CRIP2: variants seen among roughly 807,000 people sequenced by gnomAD.
CRIP2 encodes cysteine rich protein 2, also known as cysteine-rich protein 2.
A neutral mutation model predicts 31.3 loss-of-function variants in CRIP2; 31 were observed. The ratio of observed to expected loss-of-function variants is 0.99; its 90% CI spans 0.74 to 1.34. The LOEUF (loss-of-function observed/expected upper bound fraction) is 1.34. Ranked by LOEUF, CRIP2 falls within the 40% of genes most tolerant of loss-of-function variation. CRIP2 has a pLI of 0.00. For synonymous variants in CRIP2, 177 were observed against 127.2 expected, an observed-to-expected ratio of 1.39 and a Z score of -2.63; for missense variants, 389 against 301.6, an observed-to-expected ratio of 1.29 and a Z score of -2.15.
rs1390817775 is a variant in CRIP2 at position 105,478,357 on chromosome 14, C to T, written c.135C>T (p.Ala45=). The change falls in exon 2 of 8, where the codon GCC becomes GCT. Residue 45 remains alanine, a synonymous_variant. Coordinates refer to ENST00000329146, the MANE Select transcript of CRIP2 (RefSeq NM_001312.4). The surrounding 1 kb of genome is among the most constrained non-coding windows in gnomAD (Gnocchi z 4.9). ...AGACGCTGACGCCCGGGGGCCACGC[C>T]GAGGTGAGCCCCACTGCGCGGCGCG... ...CSKTLTPGGH[A]EHDGKPFCHK... The T allele has an allele frequency of 3.8e-6, 6 of 1,565,548 alleles. No homozygotes were observed. Among genetic ancestry groups the T allele is most frequent in the Non-Finnish European group, 3.5e-6 (4 of 1,158,732 alleles).
chr14:105,476,132 T>C, intron 1 of CRIP2: 1 of 985,448 alleles, frequency 1.0e-6, no homozygotes. Flanking sequence ...GGGCTGTCTC[T>C]GTAAGGCTTA....
intron 7 of CRIP2, 37 bp downstream of exon 7, chr14:105,479,530 G>C: frequency 6.2e-7 from 1 of 1,612,642 alleles, no homozygotes; most frequent in African/African-American, 1.3e-5. Flanking sequence ...TGTCTTCCCT[G>C]CCCTCCCCTT....
intron 1 of CRIP2, chr14:105,477,124 C>G (rs587595461): frequency 1.1e-4 from 39 of 339,794 alleles, no homozygotes; most frequent in Admixed American, 1.0e-3. Flanking sequence ...CTCCCTCCCC[C>G]CAGGGCCTGC....
In CRIP2 at chr14:105,479,667, T is replaced by C. The variant is rs2084048640; in HGVS notation, c.*14T>C. ...GTCCAGCCCTAGGCTACAGCGGCTC[T>C]CATGATGTGGGCTCACCTGCGCCCC... On this transcript the variant is annotated 3_prime_UTR_variant, in exon 8 of 8. Coordinates refer to ENST00000329146, the MANE Select transcript of CRIP2 (RefSeq NM_001312.4). 3 of 1,609,482 alleles carry C rather than the reference T, an allele frequency of 1.9e-6. No homozygotes were observed. Among genetic ancestry groups the C allele is most frequent in the Non-Finnish European group, 1.7e-6 (2 of 1,178,676 alleles).
rs587691365 is a variant in CRIP2, at chr14:105,479,706, G to C, written c.*53G>C. 3.2e-5 allele frequency: 50 copies of C among 1,567,780 alleles called. No homozygotes were observed. In the South Asian group the frequency reaches 4.7e-4, roughly 15 times the overall value. Reference sequence around the variant, plus strand: ...CACCTGCGCCCCAGACCCTGCAGGGGCCCCCCTGCTTGGCTCTGCTGGGAG... The same window carrying C: ...CACCTGCGCCCCAGACCCTGCAGGGCCCCCCCTGCTTGGCTCTGCTGGGAG... On this transcript the variant is annotated 3_prime_UTR_variant, in exon 8 of 8. Transcript: ENST00000329146.
Position 105,474,897 on chromosome 14 carries a change from T to C in CRIP2, c.35T>C (p.Val12Ala), listed in dbSNP as rs2083899037. The change falls in exon 1 of 8, where the codon GTG becomes GCG. Residue 12 changes from valine to alanine, a missense_variant. Coordinates refer to ENST00000329146, the MANE Select transcript of CRIP2 (RefSeq NM_001312.4). The surrounding 1 kb of genome is among the most constrained non-coding windows in gnomAD (Gnocchi z 5.1). ...AAATGCCCCAAGTGCGACAAGACCG[T>C]GTACTTCGGTGAGTGCGTGCCCGCT... ...ASKCPKCDKT[V>A]YFAEKVSSLG... 1.3e-6 allele frequency: 2 copies of C among 1,520,174 alleles called. No homozygotes were observed. Among genetic ancestry groups the C allele is most frequent in the Non-Finnish European group, 1.8e-6 (2 of 1,134,524 alleles). The allele number at this position is 1,520,174 out of a possible 1,614,324, so 94.2% of individuals were successfully genotyped here. A position where few individuals can be genotyped will look rare whatever the true frequency, so the allele number is the denominator to read the frequency against.
intron 6 of CRIP2, 26 bp from the exon 7 acceptor site, chr14:105,479,406 TCCTC>T (rs782789100): frequency 1.2e-6 from 2 of 1,612,010 alleles, no homozygotes; most frequent in African/African-American, 2.7e-5. Flanking sequence ...GTCTGTGGAC[TCCTC>T]CCTCAGCACC....
chr14:105,479,745 C>A lies in CRIP2; in HGVS notation c.*92C>A, dbSNP rs1251924412. On this transcript the variant is annotated 3_prime_UTR_variant, in exon 8 of 8. Coordinates refer to ENST00000329146, the MANE Select transcript of CRIP2 (RefSeq NM_001312.4). ...CTCTGCTGGGAGAGTGCTCAGCCGC[C>A]CAGTCCTGCCTGCAAGCCCAGGGCG... 14 of 1,369,994 alleles carry A rather than the reference C, an allele frequency of 1.0e-5. No individual in the cohort carries two copies. The highest frequency in any genetic ancestry group is 1.4e-5 in the Non-Finnish European group (14 of 994,944). The allele number at this position is 1,369,994 out of a possible 1,614,324, so 84.9% of individuals were successfully genotyped here. A position where few individuals can be genotyped will look rare whatever the true frequency, so the allele number is the denominator to read the frequency against.
At position 105,477,432 on chromosome 14, in the gene CRIP2, C is replaced by T. The variant is rs1272497075; in HGVS notation, c.44-834C>T. ...CCTGGAGGACCCACGGGGACGGGGC[C>T]TGGCCTTCCCATGAGGGAGCTGGAG... On this transcript the variant is annotated intron_variant, in intron 1 of 7. Coordinates refer to ENST00000329146, the MANE Select transcript of CRIP2 (RefSeq NM_001312.4). The T allele has an allele frequency of 1.6e-5, 16 of 985,016 alleles. No individual in the cohort carries two copies. The Admixed American group carries it at 3.7e-4, about 23-fold the overall frequency. The allele number at this position is 985,016 out of a possible 1,614,324, so 61.0% of individuals were successfully genotyped here.
chr14:105,473,519 C>T, upstream of CRIP2: 1 of 1,533,616 alleles, frequency 6.5e-7, no homozygotes, highest in Non-Finnish European at 8.7e-7. Context: ...ACAGGTAGGT[C>T]TCCGTGTCCA....
chr14:105,475,851 G>A (rs1037906577), intron 1 of CRIP2: 75 of 985,404 alleles, frequency 7.6e-5, no homozygotes, highest in Non-Finnish European at 8.8e-5. Flanking sequence ...ACGAAGGGGG[G>A]CAGACTTAGT....
chr14:105,478,568 C>A lies in CRIP2; in HGVS notation c.196+61C>A. ...TGCTGGGAGGGGCGTGGCGCTGGCG[C>A]TGGGGAGGGCTGGGGGTCCCGGCCG... is the stretch of plus-strand genomic sequence containing the variant. On this transcript the variant is annotated intron_variant, in intron 3 of 7. Transcript: ENST00000329146. The surrounding 1 kb of genome is among the most constrained non-coding windows in gnomAD (Gnocchi z 4.9). 1 of 1,553,202 alleles carries A rather than the reference C, an allele frequency of 6.4e-7. No individual in the cohort carries two copies.
intron 6 of CRIP2, 71 bp from the exon 7 acceptor site, chr14:105,479,365 T>A: frequency 6.2e-7 from 1 of 1,602,004 alleles, no homozygotes; most frequent in Non-Finnish European, 8.5e-7. Context: ...GCCTGCACGT[T>A]CTGGAAGCCT....
chr14:105,475,210 C>G, intron 1 of CRIP2: 1 of 300,978 alleles, frequency 3.3e-6, no homozygotes, highest in East Asian at 5.4e-5. Flanking sequence ...GCTCGGGGAT[C>G]CGCGGACGCA....
rs782128703 is a variant in CRIP2, at chr14:105,479,484, G to C, written c.550G>C (p.Gly184Arg). 1.9e-6 allele frequency: 3 copies of C among 1,612,928 alleles called. No homozygotes were observed. Among genetic ancestry groups the C allele is most frequent in the Admixed American group, 3.3e-5 (2 of 60,012 alleles). Residue 184 changes from glycine to arginine, a missense_variant, in exon 7 of 8, where the codon GGA (glycine) becomes CGA (arginine). Gly to Arg is a moderately radical substitution (Grantham distance 125). Coordinates refer to ENST00000329146, the MANE Select transcript of CRIP2 (RefSeq NM_001312.4). ...CAAGCCCTGCTATGGAATCCTCTTC[G>C]GACCCAAGGGTGAGTGTAGCCAGGG... The part of the protein sequence containing the change: ...CHKPCYGILF[G>R]PKGVNTGAVG...
At chr14:105,477,390 G>C in intron 1 of CRIP2, 5 of 985,132 alleles carry the variant, frequency 5.1e-6, no homozygotes, top group Non-Finnish European at 6.0e-6. Flanking sequence ...GGAATCCACA[G>C]ACAGATGAGG....
chr14:105,478,866 G>A lies in CRIP2; in HGVS notation c.332G>A (p.Ser111Asn). The A allele has an allele frequency of 6.9e-7, 1 of 1,439,588 alleles. No homozygotes were observed. The highest frequency in any genetic ancestry group is 9.0e-7 in the Non-Finnish European group (1 of 1,107,622). 89.2% of individuals were successfully genotyped at this position (1,439,588 alleles called of 1,614,324 possible). A position where few individuals can be genotyped will look rare whatever the true frequency, so the allele number is the denominator to read the frequency against. ...GCGAGCGGCCCCCCGAAGGGGCCCA[G>A]CAGAGGTGGGCTGGGCGCGGGCTGG... is the stretch of plus-strand genomic sequence containing the variant. Reference protein sequence around the residue: ...RKASGPPKGPSRASSVTTFTG... With the variant: ...RKASGPPKGPNRASSVTTFTG... The change falls in exon 4 of 8, where the codon AGC (serine) becomes AAC (asparagine). Residue 111 changes from serine to asparagine, a missense_variant. Transcript: ENST00000329146. The surrounding 1 kb of genome is among the most constrained non-coding windows in gnomAD (Gnocchi z 4.9).
At position 105,478,521 on chromosome 14, in the gene CRIP2, G is replaced by A. The variant is rs782569767; in HGVS notation, c.196+14G>A. On this transcript the variant is annotated intron_variant, in intron 3 of 7. Coordinates refer to ENST00000329146, the MANE Select transcript of CRIP2 (RefSeq NM_001312.4). This position sits in a 1 kb window ranked among gnomAD's most constrained non-coding sequence, Gnocchi z 4.9. Reference sequence around the variant, plus strand: ...TCGGACCCAAAGGTGAGCTCCGGCTGCCCTCGGCCTGCCCTGGGACCTGCT... The same window carrying A: ...TCGGACCCAAAGGTGAGCTCCGGCTACCCTCGGCCTGCCCTGGGACCTGCT... 1.2e-6 allele frequency: 2 copies of A among 1,606,100 alleles called. No individual in the cohort carries two copies. Among genetic ancestry groups the A allele is most frequent in the Non-Finnish European group, 8.5e-7 (1 of 1,177,776 alleles).
chr14:105,476,818 G>C (rs2083941771), intron 1 of CRIP2: 1 of 964,148 alleles, frequency 1.0e-6, no homozygotes, highest in African/African-American at 1.8e-5. Flanking sequence ...GGTTGGGCTG[G>C]TGTCCTGGAG....
Sources: gnomAD v4.1 joint callset for allele counts on GRCh38, gnomAD v4.1.1 for gene constraint, Gnocchi (gnomAD v3.1) non-coding constraint, MANE v1.5 for transcripts, NCBI Gene and HGNC (gene_info 2026-07-23, HGNC 2026-07-21) for gene names.